TMTC2: variants seen among roughly 807,000 people sequenced by gnomAD.
The protein encoded by TMTC2 is protein O-mannosyl-transferase TMTC2.
TMTC2 carries 43 observed loss-of-function variants against 82.4 expected under a neutral mutation model. The ratio of observed to expected loss-of-function variants is 0.52; its 90% CI spans 0.41 to 0.67. TMTC2 has a LOEUF of 0.67. TMTC2 is among the 30% of genes least tolerant of loss of function. The pLI is 0.00. For synonymous variants in TMTC2, 408 were observed against 381.9 expected (o/e 1.07, Z -0.80); for missense variants, 919 against 1,012.4 (o/e 0.91, Z 1.25).
At chr12:82,988,371 C>T (rs1451189258) in intron 8 of TMTC2, among the ~76,000 whole-genome samples, 1 of 152,082 alleles carries the variant, frequency 6.6e-6, no homozygotes, top group Non-Finnish European at 1.5e-5. Context: ...AGGCAGCTGA[C>T]ACAGAAAAGA....
In TMTC2 at chr12:82,876,060, GTGGTGGTGATGATGA is replaced by G. The variant is rs1176078771; in HGVS notation, c.654+18483_654+18497del. On this transcript the variant is annotated intron_variant, in intron 2 of 11. Transcript: ENST00000321196. ...GGTGGTGGTGGTGGTGGTGGTGGTG[GTGGTGGTGATGATGA>G]TGATGGTGATTAGTATTCATAATGG... 3.6e-4 allele frequency among the ~76,000 whole-genome samples: 42 copies of G among 117,870 alleles called. 1 individual carries two copies. The highest frequency in any genetic ancestry group is 1.3e-3 in the South Asian group (5 of 3,886). 77.3% of individuals were successfully genotyped at this position (117,870 alleles called of 152,430 possible).
At chr12:82,917,795 G>A (rs1046770912) in intron 3 of TMTC2, among the ~76,000 whole-genome samples, 2 of 152,106 alleles carry the variant, frequency 1.3e-5, no homozygotes, top group Non-Finnish European at 2.9e-5. Context: ...GTAGAGACAG[G>A]GTTTCACCGT....
intron 4 of TMTC2, among the ~76,000 whole-genome samples, chr12:82,935,365 T>A (rs1331625838): frequency 6.6e-6 from 1 of 152,176 alleles, no homozygotes; most frequent in Non-Finnish European, 1.5e-5. Flanking sequence ...TTTATTCATG[T>A]TGTCAAATTT....
rs966346662 is a variant in TMTC2 at position 82,807,967 on chromosome 12, A to C, written c.84-49043A>C. On this transcript the variant is annotated intron_variant, in intron 1 of 11. Coordinates refer to ENST00000321196, the MANE Select transcript of TMTC2 (RefSeq NM_152588.3). Reference sequence around the variant, plus strand: ...AGGACTTTCTTATAATGGGCTTTAAAAATTTTTAGGTTTTATTTGAGACTG... The same window carrying C: ...AGGACTTTCTTATAATGGGCTTTAACAATTTTTAGGTTTTATTTGAGACTG... Among the ~76,000 whole-genome samples the C allele has an allele frequency of 2.6e-5, 4 of 152,156 alleles. No homozygotes were observed. In the South Asian group the frequency reaches 8.3e-4, roughly 32 times the overall value.
At chr12:82,937,624 A>T (rs2708001) in intron 4 of TMTC2, among the ~76,000 whole-genome samples, 1 of 151,140 alleles carries the variant, frequency 6.6e-6, no homozygotes, top group South Asian at 2.1e-4. Context: ...CCCAGCCGGT[A>T]ATTTTTAATG....
intron 1 of TMTC2, among the ~76,000 whole-genome samples, chr12:82,825,973 C>G (rs1869398200): frequency 6.6e-6 from 1 of 152,000 alleles, no homozygotes; most frequent in Admixed American, 6.5e-5. Flanking sequence ...GAAAGTTTTA[C>G]CATAGCTTCA....
intron 1 of TMTC2, among the ~76,000 whole-genome samples, chr12:82,844,038 A>G (rs1870494122): frequency 6.6e-6 from 1 of 152,226 alleles, no homozygotes; most frequent in South Asian, 2.1e-4. Flanking sequence ...TGGATAATGC[A>G]TCATGAATGT....
At position 82,783,627 on chromosome 12, in the gene TMTC2, G is replaced by A. The variant is rs114752276; in HGVS notation, c.84-73383G>A. Among the ~76,000 whole-genome samples the A allele has an allele frequency of 2.9e-3, 446 of 152,240 alleles. 4 individuals are homozygous for A. Among genetic ancestry groups the A allele is most frequent in the African/African-American group, 0.01 (431 of 41,546 alleles). On this transcript the variant is annotated intron_variant, in intron 1 of 11. Coordinates refer to ENST00000321196, the MANE Select transcript of TMTC2 (RefSeq NM_152588.3). Reference sequence around the variant, plus strand: ...ATCTGGGTTTAAAATCTGGCCGGAAGCATGGTTATGTGTTTAATGCAAATC... The same window carrying A: ...ATCTGGGTTTAAAATCTGGCCGGAAACATGGTTATGTGTTTAATGCAAATC...
chr12:82,876,046 T>G (rs1344970736), intron 2 of TMTC2, among the ~76,000 whole-genome samples: 1 of 118,626 alleles, frequency 8.4e-6, no homozygotes, highest in Non-Finnish European at 1.8e-5. Context: ...GTGGTGGTGG[T>G]GGTGGTGGTG....
chr12:82,967,088 A>G lies in TMTC2; in HGVS notation c.1948+91A>G, dbSNP rs533678860. On this transcript the variant is annotated intron_variant, in intron 7 of 11. Transcript: ENST00000321196. ...TTCGTGTTTAATGGAATTCTAATAA[A>G]TCATATTAATCCTCACAAAAGAAAC... 44 of 940,772 alleles carry G rather than the reference A, an allele frequency of 4.7e-5. No individual in the cohort carries two copies. The African/African-American group carries it at 6.3e-4, about 14-fold the overall frequency. The allele number at this position is 940,772 out of a possible 1,614,324, so 58.3% of individuals were successfully genotyped here. A position where few individuals can be genotyped will look rare whatever the true frequency, so the allele number is the denominator to read the frequency against.
chr12:82,971,620 T>C (rs143470975), intron 7 of TMTC2, among the ~76,000 whole-genome samples: 2,083 of 152,208 alleles, frequency 0.014, 25 homozygotes, highest in Middle Eastern at 0.027. Context: ...CTATTTAAAA[T>C]AAAATGACTT....
At chr12:82,756,833 C>T (rs559294441) in intron 1 of TMTC2, among the ~76,000 whole-genome samples, 1 of 152,272 alleles carries the variant, frequency 6.6e-6, no homozygotes, top group East Asian at 1.9e-4. Context: ...CCAAATATCA[C>T]ACAGCTATAG....
intron 4 of TMTC2, among the ~76,000 whole-genome samples, chr12:82,945,347 T>G (rs1876939203): frequency 6.6e-6 from 1 of 152,206 alleles, no homozygotes; most frequent in Admixed American, 6.5e-5. Context: ...GTGAAAGACA[T>G]TTTTCTGCAA....
intron 1 of TMTC2, among the ~76,000 whole-genome samples, chr12:82,719,085 A>ATATATATTT: frequency 3.6e-4 from 15 of 41,416 alleles, no homozygotes; most frequent in African/African-American, 1.0e-3. Flanking sequence ...ATATATATAT[A>ATATATATTT]TTTTTTTTTT....
chr12:82,902,213 C>G (rs1030830823), intron 3 of TMTC2, among the ~76,000 whole-genome samples: 4 of 151,972 alleles, frequency 2.6e-5, no homozygotes, highest in African/African-American at 9.6e-5. Context: ...CCCGATGACA[C>G]TCTGTTGGGG....
chr12:83,087,876 C>T (rs914376441), intron 11 of TMTC2, among the ~76,000 whole-genome samples: 1 of 152,228 alleles, frequency 6.6e-6, no homozygotes, highest in East Asian at 1.9e-4. Context: ...CTGGCATCAA[C>T]TTAAGGTCAC....
Position 82,980,298 on chromosome 12 carries a change from C to T in TMTC2, c.1949-5627C>T, listed in dbSNP as rs144497509. 3.1e-3 allele frequency among the ~76,000 whole-genome samples: 475 copies of T among 151,586 alleles called. 4 individuals carry two copies. The highest frequency in any genetic ancestry group is 0.029 in the Admixed American group (446 of 15,168). On this transcript the variant is annotated intron_variant, in intron 7 of 11. Transcript: ENST00000321196. ...AAACCTTAAAATTGCTAAAAGTGCT[C>T]ATTAAAAGAAAAATGACCAGCACAT...
chr12:82,895,722 G>T lies in TMTC2; in HGVS notation c.655-96G>T, dbSNP rs916731177. 8 of 1,101,254 alleles carry T rather than the reference G, an allele frequency of 7.3e-6. No homozygotes were observed. In the African/African-American group the frequency reaches 9.5e-5, roughly 13 times the overall value. 68.2% of individuals were successfully genotyped at this position (1,101,254 alleles called of 1,614,324 possible). On this transcript the variant is annotated intron_variant, in intron 2 of 11. Coordinates refer to ENST00000321196, the MANE Select transcript of TMTC2 (RefSeq NM_152588.3). Reference sequence around the variant, plus strand: ...GGAGACATCATGCTGTGTTTTTAACGGTCCATTTAAAAATGTATTTTATCT... The same window carrying T: ...GGAGACATCATGCTGTGTTTTTAACTGTCCATTTAAAAATGTATTTTATCT...
intron 2 of TMTC2, among the ~76,000 whole-genome samples, chr12:82,876,088 G>C (rs1872529772): frequency 1.5e-5 from 2 of 132,094 alleles, no homozygotes; most frequent in African/African-American, 5.7e-5. Flanking sequence ...ATGGTGATTA[G>C]TATTCATAAT....
Sources: gnomAD v4.1 joint callset for allele counts (sites outside exome capture counted in the v4.1 genomes callset) on GRCh38, gnomAD v4.1.1 for gene constraint, MANE v1.5 for transcripts, NCBI Gene and HGNC (gene_info 2026-07-23, HGNC 2026-07-21) for gene names.